The following APBB2 variants were observed in gnomAD, a reference collection of about 807,000 sequenced individuals.
APBB2 encodes the protein Fe65-like 1.
APBB2 carries 38 observed loss-of-function variants against 82.5 expected under a neutral mutation model. The ratio of observed to expected loss-of-function variants is 0.46; its 90% CI spans 0.36 to 0.60. The LOEUF (loss-of-function observed/expected upper bound fraction) is 0.60. Ranked by LOEUF, APBB2 falls within the 20% of genes least tolerant of loss-of-function variation. The pLI, the probability that APBB2 is intolerant of heterozygous loss-of-function variation, is 0.00. For missense variants in APBB2, 772 were observed against 972.3 expected (o/e 0.79, Z 2.74); for synonymous variants, 341 against 368.2 (o/e 0.93, Z 0.85).
chr4:41,074,279 A>G (rs756502026), intron 3 of APBB2, among the ~76,000 whole-genome samples: 1 of 152,214 alleles, frequency 6.6e-6, no homozygotes, highest in Non-Finnish European at 1.5e-5. Context: ...TGGTCATTAA[A>G]TCTGTGAAAA....
chr4:41,045,496 G>T (rs185400548), intron 4 of APBB2, among the ~76,000 whole-genome samples: 4 of 152,148 alleles, frequency 2.6e-5, no homozygotes, highest in Admixed American at 1.3e-4. Context: ...GTTTCACCGC[G>T]TTAGCCAGGA....
chr4:40,943,110 A>T (rs184670651), intron 7 of APBB2, among the ~76,000 whole-genome samples: 31 of 152,304 alleles, frequency 2.0e-4, no homozygotes, highest in Middle Eastern at 3.4e-3. Flanking sequence ...AGCAGGTTGA[A>T]ATCTCAAAGC....
intron 1 of APBB2, among the ~76,000 whole-genome samples, chr4:41,171,712 C>T (rs965856478): frequency 8.5e-5 from 13 of 152,298 alleles, no homozygotes; most frequent in East Asian, 1.9e-4. Context: ...AATCCCAGCA[C>T]GTTAGGAGGC....
At chr4:40,881,187 G>A in intron 12 of APBB2, 1 of 985,432 alleles carries the variant, frequency 1.0e-6, no homozygotes, top group Non-Finnish European at 1.2e-6. Flanking sequence ...GCATTAAAGA[G>A]AAATTAACTC....
At chr4:41,138,829 AT>A (rs1295173423) in intron 2 of APBB2, among the ~76,000 whole-genome samples, 1 of 152,208 alleles carries the variant, frequency 6.6e-6, no homozygotes, top group Non-Finnish European at 1.5e-5. Flanking sequence ...TATATAGAAA[AT>A]ACTAGCAAAG....
At chr4:41,063,599 A>AATT (rs1247666845) in intron 4 of APBB2, among the ~76,000 whole-genome samples, 1 of 152,212 alleles carries the variant, frequency 6.6e-6, no homozygotes, top group Non-Finnish European at 1.5e-5. Context: ...TACTGCTATA[A>AATT]AGTGCCACTG....
At chr4:40,913,257 C>G (rs1433993556) in intron 10 of APBB2, among the ~76,000 whole-genome samples, 1 of 152,186 alleles carries the variant, frequency 6.6e-6, no homozygotes, top group African/African-American at 2.4e-5. Context: ...TTACACAGTT[C>G]AGTCTCAAAT....
At chr4:40,819,301 C>T (rs1445913001) in intron 17 of APBB2, among the ~76,000 whole-genome samples, 2 of 151,508 alleles carry the variant, frequency 1.3e-5, no homozygotes, top group African/African-American at 4.8e-5. Flanking sequence ...CCTCCCACCT[C>T]AGCCTCCCTG....
intron 10 of APBB2, 131 bp from the exon 11 acceptor site, chr4:40,893,542 C>T: frequency 1.3e-6 from 1 of 774,666 alleles, no homozygotes; most frequent in East Asian, 2.9e-5. Context: ...TATGTTCAAT[C>T]ATCTAATTGA....
At chr4:40,926,496 C>A (rs1782636496) in intron 10 of APBB2, among the ~76,000 whole-genome samples, 1 of 151,970 alleles carries the variant, frequency 6.6e-6, no homozygotes, top group Admixed American at 6.6e-5. Flanking sequence ...CCCAGGCTGG[C>A]ATGCGGTGGC....
At chr4:40,955,657 A>G (rs1310523180) in intron 6 of APBB2, among the ~76,000 whole-genome samples, 1 of 152,332 alleles carries the variant, frequency 6.6e-6, no homozygotes, top group Non-Finnish European at 1.5e-5. Flanking sequence ...TCGTGCCTGT[A>G]ATCTCAGCTA....
chr4:41,180,564 C>T (rs1160340228), intron 1 of APBB2, among the ~76,000 whole-genome samples: 1 of 152,104 alleles, frequency 6.6e-6, no homozygotes, highest in Non-Finnish European at 1.5e-5. Flanking sequence ...TGGAGGATCA[C>T]TTGAGCCCAG....
chr4:40,848,959 C>A (rs1026256643), intron 12 of APBB2: 9 of 966,818 alleles, frequency 9.3e-6, no homozygotes, highest in Non-Finnish European at 1.1e-5. Context: ...AAAGCTCATG[C>A]GAGCAAGAAC....
At chr4:40,917,282 A>G (rs1780076585) in intron 10 of APBB2, among the ~76,000 whole-genome samples, 2 of 152,134 alleles carry the variant, frequency 1.3e-5, no homozygotes, top group Non-Finnish European at 2.9e-5. Flanking sequence ...CCTGGCTTTT[A>G]GAGCTGAACT....
intron 1 of APBB2, among the ~76,000 whole-genome samples, chr4:41,209,609 C>A (rs1778825418): frequency 6.6e-6 from 1 of 152,224 alleles, no homozygotes. Flanking sequence ...CCCTCCCCTG[C>A]AGCCTAGGTA....
chr4:40,859,885 A>G (rs1762350470), intron 12 of APBB2, among the ~76,000 whole-genome samples: 1 of 152,030 alleles, frequency 6.6e-6, no homozygotes, highest in South Asian at 2.1e-4. Context: ...CCCTCCTAGA[A>G]TGCTCTTCCC....
chr4:41,073,996 C>T (rs370638281), intron 3 of APBB2, among the ~76,000 whole-genome samples: 60 of 152,220 alleles, frequency 3.9e-4, no homozygotes, highest in African/African-American at 1.3e-3. Flanking sequence ...TGTGATGACA[C>T]GTGCCTGTAG....
intron 13 of APBB2, among the ~76,000 whole-genome samples, chr4:40,829,749 T>G (rs1751226060): frequency 6.6e-6 from 1 of 152,114 alleles, no homozygotes; most frequent in African/African-American, 2.4e-5. Context: ...GAGGCTAGGC[T>G]GGTGACGCCA....
chr4:40,952,402 C>T (rs1308105441), intron 6 of APBB2, among the ~76,000 whole-genome samples: 3 of 152,064 alleles, frequency 2.0e-5, no homozygotes, highest in Admixed American at 6.6e-5. Flanking sequence ...AAGACATCTT[C>T]TCTTTCTCCA....
Sources: gnomAD v4.1 joint callset for allele counts (sites outside exome capture counted in the v4.1 genomes callset) on GRCh38, gnomAD v4.1.1 for gene constraint, MANE v1.5 for transcripts, NCBI Gene and HGNC (gene_info 2026-07-23, HGNC 2026-07-21) for gene names.